Variants in ZNF207 observed in about 807,000 individuals in gnomAD.
The protein encoded by ZNF207 is BUB3-interacting and GLEBS motif-containing protein ZNF207.
In ZNF207, 24 loss-of-function variants were observed where a neutral mutation model predicts 60.2. That is an observed-to-expected ratio of 0.40 (90% CI 0.29 to 0.56). ZNF207 has a LOEUF of 0.56. Among genes scored for constraint, ZNF207 ranks in the 20% least tolerant of loss-of-function variants. The probability of loss-of-function intolerance (pLI) is 0.49; values close to 1 mark genes in which losing one functional copy is unlikely to be tolerated. For missense variants in ZNF207, 452 were observed against 636.6 expected (o/e 0.71, Z 3.12); for synonymous variants, 236 against 194.7 (o/e 1.21, Z -1.77).
At chr17:32,358,319 A>C (rs1024157644) in intron 2 of ZNF207, among the ~76,000 whole-genome samples, 184 bp from the exon 3 acceptor site, 1 of 152,246 alleles carries the variant, frequency 6.6e-6, no homozygotes, top group Admixed American at 6.5e-5. Context: ...ATATAGGTGA[A>C]GTAAACTGAG....
At position 32,375,077 on chromosome 17, in the gene ZNF207, A is replaced by G. The variant is rs1905632138; in HGVS notation, c.*5318A>G. 6.6e-6 allele frequency: 1 copy of G among 152,224 alleles called. No individual in the cohort carries two copies. Among genetic ancestry groups the G allele is most frequent in the African/African-American group, 2.4e-5 (1 of 41,460 alleles). The allele number at this position is 152,224 out of a possible 1,614,324, so 9.4% of individuals were successfully genotyped here. On this transcript the variant is annotated 3_prime_UTR_variant, in exon 12 of 12. Coordinates refer to ENST00000394670, the MANE Select transcript of ZNF207 (RefSeq NM_001098507.2). ...CAGTTTACTCTGAGCAGTAACAATG[A>G]ACAAGCAGTATAGCATTTAGCAAAC...
rs1170946690 is a variant in ZNF207, at chr17:32,375,328, T to A, written c.*5569T>A. ...TCCTTAATTGGAGATCTGTTTTCTC[T>A]ATTACCTACCATCCTGCAATATGCT... On this transcript the variant is annotated 3_prime_UTR_variant, in exon 12 of 12. Coordinates refer to ENST00000394670, the MANE Select transcript of ZNF207 (RefSeq NM_001098507.2). The A allele has an allele frequency of 1.3e-5, 2 of 152,212 alleles. No homozygotes were observed. Among genetic ancestry groups the A allele is most frequent in the Non-Finnish European group, 2.9e-5 (2 of 68,018 alleles). 9.4% of individuals were successfully genotyped at this position (152,212 alleles called of 1,614,324 possible). A position where few individuals can be genotyped will look rare whatever the true frequency, so the allele number is the denominator to read the frequency against.
rs1555608291 is a variant in ZNF207, at chr17:32,367,239, T to TTTTA, written c.921+483_921+484insTTAT. 1.2e-4 allele frequency among the ~76,000 whole-genome samples: 4 copies of TTTTA among 32,190 alleles called. No homozygotes were observed. The South Asian group carries it at 4.3e-3, about 34-fold the overall frequency. 21.1% of individuals were successfully genotyped at this position (32,190 alleles called of 152,430 possible). On this transcript the variant is annotated intron_variant, in intron 9 of 11. Coordinates refer to ENST00000394670, the MANE Select transcript of ZNF207 (RefSeq NM_001098507.2). Reference sequence around the variant, plus strand: ...CCAGCCATTGTTAATTTGGAGGGGATTATATATATATATATATATATATAT... The same window carrying TTTTA: ...CCAGCCATTGTTAATTTGGAGGGGATTTTATATATATATATATATATATATATAT...
At position 32,368,131 on chromosome 17, in the gene ZNF207, C is replaced by T. The variant is rs1048338600; in HGVS notation, c.1164+117C>T. On this transcript the variant is annotated intron_variant, in intron 10 of 11. Coordinates refer to ENST00000394670, the MANE Select transcript of ZNF207 (RefSeq NM_001098507.2). ...ATGGTCTGTGATCTGGTTTAATGCT[C>T]ACTAAGTGGTTTTTGCCATTCTGAT... The T allele has an allele frequency of 5.7e-6, 8 of 1,410,580 alleles. No homozygotes were observed. The African/African-American group carries it at 1.0e-4, about 18-fold the overall frequency. 87.4% of individuals were successfully genotyped at this position (1,410,580 alleles called of 1,614,324 possible).
rs1004364049 is a variant in ZNF207 at position 32,374,773 on chromosome 17, C to G, written c.*5014C>G. The G allele has an allele frequency of 6.6e-6, 1 of 152,028 alleles. No homozygotes were observed. Among genetic ancestry groups the G allele is most frequent in the Non-Finnish European group, 1.5e-5 (1 of 68,030 alleles). The allele number at this position is 152,028 out of a possible 1,614,324, so 9.4% of individuals were successfully genotyped here. A position where few individuals can be genotyped will look rare whatever the true frequency, so the allele number is the denominator to read the frequency against. On this transcript the variant is annotated 3_prime_UTR_variant, in exon 12 of 12. Transcript: ENST00000394670. ...GGATGGATTACTAATTTTCAGGTAT[C>G]GAAACTGAAATTTGATACCTGATCC...
At position 32,351,905 on chromosome 17, in the gene ZNF207, G is replaced by A; in HGVS notation, c.161G>A (p.Cys54Tyr). The A allele has an allele frequency of 6.4e-7, 1 of 1,556,178 alleles. No homozygotes were observed. ...LYTGPGLAIH[C>Y]MQVHKETIDA... The stretch of plus-strand genomic sequence containing the variant: ...ACAGGACCTGGCTTAGCTATTCATT[G>A]CATGCAGGTAAGGATTTTTCTTCTG... The change falls in exon 2 of 12, where the codon TGC (cysteine) becomes TAC (tyrosine). Residue 54 changes from cysteine to tyrosine, a missense_variant. Cys to Tyr is a radical substitution (Grantham distance 194, BLOSUM62 -2). This residue lies in a region of ZNF207 where 62 missense variants were observed against 175.3 expected (regional missense o/e 0.35). Coordinates refer to ENST00000394670, the MANE Select transcript of ZNF207 (RefSeq NM_001098507.2).
rs768358262 is a variant in ZNF207, at chr17:32,377,394, C to T, written c.*7635C>T. On this transcript the variant is annotated 3_prime_UTR_variant, in exon 12 of 12. Transcript: ENST00000394670. ...AGCAAGGGAAGAGTTACTACAGTTACTGTAAGTCTGAGTTAGAAAAAATAC... is the reference window on the plus strand; with the variant it reads ...AGCAAGGGAAGAGTTACTACAGTTATTGTAAGTCTGAGTTAGAAAAAATAC... The T allele has an allele frequency of 6.6e-6, 1 of 151,904 alleles. No homozygotes were observed. Among genetic ancestry groups the T allele is most frequent in the South Asian group, 2.1e-4 (1 of 4,826 alleles). The allele number at this position is 151,904 out of a possible 1,614,324, so 9.4% of individuals were successfully genotyped here. A position where few individuals can be genotyped will look rare whatever the true frequency, so the allele number is the denominator to read the frequency against.
chr17:32,377,147 G>T lies in ZNF207; in HGVS notation c.*7388G>T, dbSNP rs1905702799. 6.6e-6 allele frequency: 1 copy of T among 152,052 alleles called. No individual in the cohort carries two copies. The highest frequency in any genetic ancestry group is 2.1e-4 in the South Asian group (1 of 4,838). The allele number at this position is 152,052 out of a possible 1,614,324, so 9.4% of individuals were successfully genotyped here. On this transcript the variant is annotated 3_prime_UTR_variant, in exon 12 of 12. Transcript: ENST00000394670. ...ATTATTTGGGAGAGAACACTGGGTA[G>T]TATTGTTTGACTTAAGAACCTTAAA...
chr17:32,362,664 A>G, intron 6 of ZNF207: 1 of 379,246 alleles, frequency 2.6e-6, no homozygotes. Context: ...ATTTGTTCTC[A>G]AATGACTTTA....
intron 2 of ZNF207, among the ~76,000 whole-genome samples, chr17:32,352,169 C>T (rs937244710): frequency 2.0e-5 from 3 of 152,134 alleles, no homozygotes; most frequent in African/African-American, 7.2e-5. Flanking sequence ...GGGGTTTCAC[C>T]ATGTTGGCCA....
Position 32,378,344 on chromosome 17 carries a change from C to G in ZNF207, c.*8585C>G, listed in dbSNP as rs992986779. On this transcript the variant is annotated 3_prime_UTR_variant, in exon 12 of 12. Transcript: ENST00000394670. ...ATTTCATGGTGGTTCTCTCATTCAC[C>G]TTTTAACTTTTTACATTATGAATCA... 2 of 151,952 alleles carry G rather than the reference C, an allele frequency of 1.3e-5. No homozygotes were observed. Among genetic ancestry groups the G allele is most frequent in the African/African-American group, 4.8e-5 (2 of 41,390 alleles). The allele number at this position is 151,952 out of a possible 1,614,324, so 9.4% of individuals were successfully genotyped here.
At chr17:32,362,421 C>A (rs1039656834) in intron 6 of ZNF207, among the ~76,000 whole-genome samples, 1 of 152,148 alleles carries the variant, frequency 6.6e-6, no homozygotes, top group Non-Finnish European at 1.5e-5. Flanking sequence ...CTTGGCCTCT[C>A]AAAACTTCTG....
rs140356899 is a variant in ZNF207 at position 32,364,637 on chromosome 17, C to T, written c.671-693C>T. Among the ~76,000 whole-genome samples the T allele has an allele frequency of 4.9e-3, 741 of 152,226 alleles. 5 individuals are homozygous for T. Among genetic ancestry groups the T allele is most frequent in the African/African-American group, 0.016 (680 of 41,536 alleles). ...CCTCCCAAAGTGCTGGGATTATAGT[C>T]GTGAGCCACTGTGCCCGGCCCTAGC... On this transcript the variant is annotated intron_variant, in intron 7 of 11. Coordinates refer to ENST00000394670, the MANE Select transcript of ZNF207 (RefSeq NM_001098507.2).
At chr17:32,357,351 ATTT>A (rs1164011891) in intron 2 of ZNF207, among the ~76,000 whole-genome samples, 112 of 74,000 alleles carry the variant, frequency 1.5e-3, no homozygotes, top group Admixed American at 3.8e-3. Flanking sequence ...TATTATTATT[ATTT>A]TTTTTTTTTT....
intron 2 of ZNF207, among the ~76,000 whole-genome samples, chr17:32,353,251 T>A (rs991253306): frequency 6.6e-6 from 1 of 152,154 alleles, no homozygotes; most frequent in Non-Finnish European, 1.5e-5. Flanking sequence ...TAATTTATAT[T>A]TTTTAAGATC....
intron 2 of ZNF207, among the ~76,000 whole-genome samples, chr17:32,357,984 T>G (rs1400768921): frequency 1.3e-5 from 2 of 152,118 alleles, no homozygotes; most frequent in Non-Finnish European, 2.9e-5. Context: ...TTTTGCCACG[T>G]TGGCCAGGCT....
In ZNF207 at chr17:32,367,927, A is replaced by C; in HGVS notation, c.1077A>C (p.Pro359=). ...CAACAAATAGTACTGCAGCTAAACC[A>C]GCGGCTTCAATAACAAGTAAGCCTG... ...TSTTNSTAAK[P]AASITSKPAT... The change falls in exon 10 of 12, where the codon CCA becomes CCC. Residue 359 remains proline (P), a synonymous_variant. Coordinates refer to ENST00000394670, the MANE Select transcript of ZNF207 (RefSeq NM_001098507.2). 1 of 1,614,200 alleles carries C rather than the reference A, an allele frequency of 6.2e-7. No homozygotes were observed.
At chr17:32,357,687 T>C (rs1904629968) in intron 2 of ZNF207, among the ~76,000 whole-genome samples, 1 of 151,598 alleles carries the variant, frequency 6.6e-6, no homozygotes, top group African/African-American at 2.4e-5. Flanking sequence ...AGTCTCTCAG[T>C]ATCTGCCCAG....
In ZNF207 at chr17:32,367,282, T is replaced by TAA. The variant is rs1555608395; in HGVS notation, c.922-489_922-488insAA. On this transcript the variant is annotated intron_variant, in intron 9 of 11. Transcript: ENST00000394670. ...ATATATATATATATATATATATATA[T>TAA]ATAAAGAATACTACTAAAGGATGTA... Among the ~76,000 whole-genome samples, 371 of 82,638 alleles carry TAA rather than the reference T, an allele frequency of 4.5e-3. 1 individual carries two copies. Among genetic ancestry groups the TAA allele is most frequent in the African/African-American group, 7.8e-3 (127 of 16,248 alleles). 54.2% of individuals were successfully genotyped at this position (82,638 alleles called of 152,430 possible). A position where few individuals can be genotyped will look rare whatever the true frequency, so the allele number is the denominator to read the frequency against.
Sources: allele counts gnomAD v4.1 joint callset (sites outside exome capture counted in the v4.1 genomes callset), GRCh38; gene constraint gnomAD v4.1.1; regional missense constraint gnomAD v4.1.1; transcripts MANE v1.5; gene names NCBI Gene and HGNC (gene_info 2026-07-23, HGNC 2026-07-21).